The following HERC2 variants were observed in gnomAD, a reference collection of about 807,000 sequenced individuals.
The protein encoded by HERC2 is E3 ubiquitin-protein ligase HERC2.
HERC2 carries 102 observed loss-of-function variants against 537.7 expected under a neutral mutation model. The observed-to-expected ratio is 0.19, with a 90% CI of 0.16 to 0.22. The LOEUF is 0.22. HERC2 is among the 10% of genes least tolerant of loss of function. The probability of loss-of-function intolerance (pLI) is 1.00; values close to 1 mark genes in which losing one functional copy is unlikely to be tolerated. For synonymous variants in HERC2, 2,224 were observed against 2,466.2 expected, an observed-to-expected ratio of 0.90 and a Z score of 2.91; for missense variants, 4,236 against 6,198.2, an observed-to-expected ratio of 0.68 and a Z score of 10.63.
rs980741847 is a variant in HERC2, at chr15:28,213,652, C to T, written c.6786+90G>A. ...GAAGGCAAACTTCAAGTACCAGAAT[C>T]AAGTTCTTTCAAGTGCTGATGCTGG... On this transcript the variant is annotated intron_variant, in intron 42 of 92. Transcript: ENST00000261609. The T allele has an allele frequency of 7.5e-6, 12 of 1,590,628 alleles. No individual in the cohort carries two copies. In the Admixed American group the frequency reaches 2.1e-4, roughly 28 times the overall value.
rs1045414388 is a variant in HERC2, at chr15:28,115,671, A to T, written c.13610-130T>A. On this transcript the variant is annotated intron_variant, in intron 88 of 92. Coordinates refer to ENST00000261609, the MANE Select transcript of HERC2 (RefSeq NM_004667.6). ...AGCCTTCTGAAGCAGCAACACCCAC[A>T]TCATAGGTCTAGGCCCTTCCTCAAG... 1.4e-5 allele frequency: 9 copies of T among 653,844 alleles called. No homozygotes were observed. The African/African-American group carries it at 1.4e-4, about 10-fold the overall frequency. 40.5% of individuals were successfully genotyped at this position (653,844 alleles called of 1,614,324 possible).
intron 3 of HERC2, among the ~76,000 whole-genome samples, chr15:28,296,417 G>A (rs1262692275): frequency 6.6e-6 from 1 of 152,060 alleles, no homozygotes; most frequent in Non-Finnish European, 1.5e-5. Context: ...TGGTTGCAGT[G>A]AGCCAAAATC....
intron 10 of HERC2, among the ~76,000 whole-genome samples, chr15:28,270,370 G>A (rs986786069): frequency 5.9e-5 from 9 of 151,900 alleles, no homozygotes; most frequent in African/African-American, 2.2e-4. Flanking sequence ...GACAGTCCGC[G>A]TTCAGAGTAT....
chr15:28,191,443 C>G (rs1461493482), intron 53 of HERC2, among the ~76,000 whole-genome samples, 199 bp from the exon 54 acceptor site: 2 of 152,170 alleles, frequency 1.3e-5, no homozygotes, highest in African/African-American at 2.4e-5. Context: ...AAGTCTCACT[C>G]TAAGACTCAG....
At chr15:28,222,616 CAGCT>C (rs1396260657) in intron 35 of HERC2, among the ~76,000 whole-genome samples, 1 of 152,164 alleles carries the variant, frequency 6.6e-6, no homozygotes, top group Non-Finnish European at 1.5e-5. Context: ...GTGCAGAAGA[CAGCT>C]AACAGCTGGC....
At chr15:28,220,268 G>A (rs1030894665) in intron 37 of HERC2, among the ~76,000 whole-genome samples, 184 bp downstream of exon 37, 1 of 152,200 alleles carries the variant, frequency 6.6e-6, no homozygotes, top group African/African-American at 2.4e-5. Context: ...GGATCCCACA[G>A]CCACTCCACA....
At position 28,213,822 on chromosome 15, in the gene HERC2, T is replaced by C. The variant is rs1213316783; in HGVS notation, c.6706A>G (p.Ile2236Val). 1.9e-6 allele frequency: 3 copies of C among 1,613,888 alleles called. No homozygotes were observed. Among genetic ancestry groups the C allele is most frequent in the Non-Finnish European group, 2.5e-6 (3 of 1,179,874 alleles). The change falls in exon 42 of 93, where the codon ATC becomes GTC. Residue 2236 changes from isoleucine to valine, a missense_variant. By Grantham distance (29) the Ile-to-Val change is conservative. Transcript: ENST00000261609. ...ACGGTGATTTTGCCCTTTGGGGTGATGCGAGTCACAGTGCCTTCTCCAAAC... is the reference window on the plus strand; with the variant it reads ...ACGGTGATTTTGCCCTTTGGGGTGACGCGAGTCACAGTGCCTTCTCCAAAC... ...DEFGEGTVTRITPKGKITVQF... is the reference protein window; with the variant it reads ...DEFGEGTVTRVTPKGKITVQF...
At chr15:28,204,154 G>A (rs1229148870) in intron 45 of HERC2, among the ~76,000 whole-genome samples, 1 of 152,042 alleles carries the variant, frequency 6.6e-6, no homozygotes, top group African/African-American at 2.4e-5. Context: ...AACGTCCAAA[G>A]AATCCAGAAT....
chr15:28,249,703 G>A (rs887361148), intron 20 of HERC2, among the ~76,000 whole-genome samples: 2 of 152,096 alleles, frequency 1.3e-5, no homozygotes, highest in Non-Finnish European at 2.9e-5. Flanking sequence ...CTGGAGTGCA[G>A]TGACATGATC....
intron 49 of HERC2, 38 bp from the exon 50 acceptor site, chr15:28,198,541 C>T (rs767380858): frequency 6.2e-7 from 1 of 1,610,092 alleles, no homozygotes; most frequent in Admixed American, 1.7e-5. Flanking sequence ...AATCAATATT[C>T]ATTTAAGGGA....
rs1221813839 is a variant in HERC2, at chr15:28,272,916, C to A, written c.889G>T (p.Ala297Ser). 1 of 1,611,452 alleles carries A rather than the reference C, an allele frequency of 6.2e-7. No homozygotes were observed. The highest frequency in any genetic ancestry group is 2.2e-5 in the East Asian group (1 of 44,900). ...HLALAILLEL[A>S]VQRGTLSQML... ...CACCTCAGCGTGCCTCTCTGCACAG[C>A]CAGCTCCAGCAGGATGGCCAGGGCC... Residue 297 changes from alanine to serine, a missense_variant, in exon 8 of 93, where the codon GCT becomes TCT. Transcript: ENST00000261609.
intron 45 of HERC2, among the ~76,000 whole-genome samples, chr15:28,204,546 A>G (rs866947333): frequency 4.0e-5 from 6 of 151,406 alleles, no homozygotes; most frequent in African/African-American, 1.2e-4. Context: ...CTTGAACCCA[A>G]GAGTCAGAGG....
intron 2 of HERC2, among the ~76,000 whole-genome samples, chr15:28,321,079 G>A (rs1208123615): frequency 1.3e-5 from 2 of 151,998 alleles, no homozygotes; most frequent in South Asian, 2.1e-4. Flanking sequence ...TTAGGAGTGT[G>A]GCAGATTTCT....
intron 78 of HERC2, among the ~76,000 whole-genome samples, chr15:28,139,700 C>T (rs1281393916): frequency 6.6e-6 from 1 of 152,210 alleles, no homozygotes; most frequent in Non-Finnish European, 1.5e-5. Flanking sequence ...CAAACTGGAT[C>T]TATCCAAAGA....
At position 28,270,677 on chromosome 15, in the gene HERC2, C is replaced by T. The variant is rs762013318; in HGVS notation, c.1257+18G>A. ...CTAGCTACAAAACACATGGAGAACA[C>T]GGTTCTTGCACACACACCTTATGAG... On this transcript the variant is annotated intron_variant, in intron 10 of 92. Transcript: ENST00000261609. The T allele has an allele frequency of 2.4e-5, 38 of 1,608,808 alleles. No homozygotes were observed. Among genetic ancestry groups the T allele is most frequent in the Middle Eastern group, 1.7e-4 (1 of 6,056 alleles).
In HERC2 at chr15:28,246,779, G is replaced by T; in HGVS notation, c.3354C>A (p.Phe1118Leu). The T allele has an allele frequency of 6.2e-7, 1 of 1,605,344 alleles. No individual in the cohort carries two copies. The highest frequency in any genetic ancestry group is 8.5e-7 in the Non-Finnish European group (1 of 1,176,214). Residue 1118 changes from phenylalanine (F) to leucine (L), a missense_variant, in exon 22 of 93, where the codon TTC becomes TTA. Coordinates refer to ENST00000261609, the MANE Select transcript of HERC2 (RefSeq NM_004667.6). ...ASIASTSWRH[F>L]AEVAYIVEGD... ...CTTCCACAATGTAAGCCACCTCCGC[G>T]AAGTGCCGCCAGCTGGTAGAAGCAA...
In HERC2 at chr15:28,228,326, G is replaced by A. The variant is rs1432172558; in HGVS notation, c.5356C>T (p.Leu1786Phe). The A allele has an allele frequency of 1.9e-6, 3 of 1,612,472 alleles. No homozygotes were observed. The highest frequency in any genetic ancestry group is 2.2e-5 in the East Asian group (1 of 44,882). Residue 1786 changes from leucine (L) to phenylalanine (F), a missense_variant, in exon 35 of 93, where the codon CTC (leucine) becomes TTC (phenylalanine). Physicochemically the swap from Leu to Phe is conservative, Grantham distance 22 (BLOSUM62 0). Coordinates refer to ENST00000261609, the MANE Select transcript of HERC2 (RefSeq NM_004667.6). ...GTGAGCATGCTGAGCATCACCAGGAGGAAGCGGGCTTGCGGGATGGTCCCC... is the reference window on the plus strand; with the variant it reads ...GTGAGCATGCTGAGCATCACCAGGAAGAAGCGGGCTTGCGGGATGGTCCCC... ...SLGTIPQARF[L>F]LVMLSMLTLQ...
intron 3 of HERC2, among the ~76,000 whole-genome samples, chr15:28,296,230 C>T (rs191412206): frequency 1.5e-3 from 223 of 152,174 alleles, no homozygotes; most frequent in Non-Finnish European, 2.6e-3. Context: ...AAACCCCACA[C>T]TTTGGGAGGC....
Position 28,135,471 on chromosome 15 carries a change from A to C in HERC2, c.12230+7T>G. Reference sequence around the variant, plus strand: ...TAGAATGTTGAAATAATTTTTTCACATCATACCTTCTGTTGCCATGCCCCA... The same window carrying C: ...TAGAATGTTGAAATAATTTTTTCACCTCATACCTTCTGTTGCCATGCCCCA... On this transcript the variant is annotated splice_region_variant and intron_variant, in intron 79 of 92. Transcript: ENST00000261609. 4.4e-6 allele frequency: 7 copies of C among 1,606,708 alleles called. No individual in the cohort carries two copies. The highest frequency in any genetic ancestry group is 6.0e-6 in the Non-Finnish European group (7 of 1,173,372).
Sources: allele counts gnomAD v4.1 joint callset (sites outside exome capture counted in the v4.1 genomes callset), GRCh38; gene constraint gnomAD v4.1.1; transcripts MANE v1.5; gene names NCBI Gene and HGNC (gene_info 2026-07-23, HGNC 2026-07-21).